STARD3: variants seen among roughly 807,000 people sequenced by gnomAD.
The protein encoded by STARD3 is StAR related lipid transfer domain containing 3, also known as stAR-related lipid transfer protein 3.
A neutral mutation model predicts 62.0 loss-of-function variants in STARD3; 39 were observed. The observed-to-expected ratio is 0.63, with a 90% CI of 0.49 to 0.82. The LOEUF (loss-of-function observed/expected upper bound fraction) is 0.82, where lower values mean the gene tolerates loss of function less well. STARD3 is among the 40% of genes least tolerant of loss of function. The pLI is 0.00. For synonymous variants in STARD3, 229 were observed against 242.4 expected (o/e 0.94, Z 0.51); for missense variants, 543 against 584.5 (o/e 0.93, Z 0.73).
chr17:39,655,508 T>C lies in STARD3; in HGVS notation c.220-1500T>C, dbSNP rs1388035521. Among the ~76,000 whole-genome samples, 11 of 152,292 alleles carry C rather than the reference T, an allele frequency of 7.2e-5. No individual in the cohort carries two copies. The East Asian group carries it at 1.9e-3, about 27-fold the overall frequency. ...CTCTGTAATTGTGCTTTTGAAGTTATTTGGCTGTGTTGGCTGCGATTGCTC... is the reference window on the plus strand; with the variant it reads ...CTCTGTAATTGTGCTTTTGAAGTTACTTGGCTGTGTTGGCTGCGATTGCTC... On this transcript the variant is annotated intron_variant, in intron 2 of 14. Coordinates refer to ENST00000336308, the MANE Select transcript of STARD3 (RefSeq NM_006804.4).
intron 13 of STARD3, 149 bp downstream of exon 13, chr17:39,661,234 A>G: frequency 1.5e-6 from 1 of 668,106 alleles, no homozygotes; most frequent in South Asian, 1.8e-5. Context: ...CCTCCTGGCT[A>G]CTAATCCTGC....
chr17:39,647,500 G>A (rs1405946201), intron 1 of STARD3, among the ~76,000 whole-genome samples: 4 of 152,076 alleles, frequency 2.6e-5, no homozygotes, highest in African/African-American at 9.7e-5. Context: ...GTGGTGGGTG[G>A]AGGCCTGCGC....
chr17:39,659,870 A>G, intron 9 of STARD3: 1 of 500,102 alleles, frequency 2.0e-6, no homozygotes, highest in Non-Finnish European at 3.6e-6. Context: ...AACATTATCT[A>G]CAAAGATCGT....
chr17:39,657,691 G>T (rs1416940522), intron 3 of STARD3, 84 bp from the exon 4 acceptor site: 1 of 1,474,532 alleles, frequency 6.8e-7, no homozygotes, highest in Non-Finnish European at 9.5e-7. Flanking sequence ...GGGAACGTGG[G>T]GGCAGGACCA....
At chr17:39,640,180 T>TA (rs1311156064) in intron 1 of STARD3, among the ~76,000 whole-genome samples, 1 of 152,096 alleles carries the variant, frequency 6.6e-6, no homozygotes, top group East Asian at 1.9e-4. Flanking sequence ...GCGGGGGAGA[T>TA]AAAAAATCCG....
In STARD3 at chr17:39,657,948, C is replaced by T. The variant is rs1324427190; in HGVS notation, c.376-25C>T. 5.0e-6 allele frequency: 8 copies of T among 1,604,054 alleles called. No individual in the cohort carries two copies. In the South Asian group the frequency reaches 9.0e-5, roughly 18 times the overall value. On this transcript the variant is annotated intron_variant, in intron 4 of 14. Coordinates refer to ENST00000336308, the MANE Select transcript of STARD3 (RefSeq NM_006804.4). ...CTCACTTCCCAGCCTCTGCCTTCCC[C>T]TTCCTCCCTCCCTCCCCTGGGCAGG...
At chr17:39,656,209 C>T (rs143488887) in intron 2 of STARD3, among the ~76,000 whole-genome samples, 1 of 152,144 alleles carries the variant, frequency 6.6e-6, no homozygotes, top group African/African-American at 2.4e-5. Context: ...CCAGTCTAGG[C>T]GGTTGTGAGG....
intron 1 of STARD3, among the ~76,000 whole-genome samples, chr17:39,640,240 C>T (rs553181177): frequency 3.3e-4 from 50 of 152,308 alleles, no homozygotes; most frequent in Non-Finnish European, 5.9e-4. Context: ...AGCCTGTTGG[C>T]TCCACTTTAC....
intron 1 of STARD3, chr17:39,652,407 A>G (rs2057086533): frequency 6.6e-6 from 1 of 152,268 alleles, no homozygotes; most frequent in Non-Finnish European, 1.5e-5. Flanking sequence ...GTCTAGTGAG[A>G]GAAGGGTAAA....
intron 1 of STARD3, among the ~76,000 whole-genome samples, chr17:39,645,979 C>T (rs2057022997): frequency 6.7e-6 from 1 of 148,324 alleles, no homozygotes; most frequent in Non-Finnish European, 1.5e-5. Context: ...GCAACCTTCG[C>T]CCCTCAGGTT....
chr17:39,663,651 CA>C lies in STARD3; in HGVS notation c.*744del. ...CCCCATTCCCCCCCCGCCCACCCCCCACTCCCCGCTTTCCTGACCAGTTCAA... is the reference window on the plus strand; with the variant it reads ...CCCCATTCCCCCCCCGCCCACCCCCCCTCCCCGCTTTCCTGACCAGTTCAA... On this transcript the variant is annotated 3_prime_UTR_variant, in exon 15 of 15. Coordinates refer to ENST00000336308, the MANE Select transcript of STARD3 (RefSeq NM_006804.4). Among the ~76,000 whole-genome samples, 1 of 149,576 alleles carries C rather than the reference CA, an allele frequency of 6.7e-6. No homozygotes were observed. The highest frequency in any genetic ancestry group is 2.0e-4 in the East Asian group (1 of 4,984).
chr17:39,645,116 G>A (rs961389493), intron 1 of STARD3, among the ~76,000 whole-genome samples: 1 of 152,194 alleles, frequency 6.6e-6, no homozygotes, highest in African/African-American at 2.4e-5. Flanking sequence ...AGGGGCAGCC[G>A]ATGCTGTTCC....
intron 3 of STARD3, 41 bp from the exon 4 acceptor site, chr17:39,657,734 C>G: frequency 1.2e-6 from 2 of 1,611,052 alleles, no homozygotes; most frequent in Non-Finnish European, 1.7e-6. Flanking sequence ...GGGTGGGGGG[C>G]AGTAGCTTCC....
At chr17:39,656,903 C>T (rs2057135530) in intron 2 of STARD3, 105 bp from the exon 3 acceptor site, 3 of 1,108,618 alleles carry the variant, frequency 2.7e-6, no homozygotes, top group Non-Finnish European at 4.0e-6. Flanking sequence ...AACAGCCTCC[C>T]CTCCAGGTTC....
At chr17:39,662,425 G>A in intron 14 of STARD3, 81 bp downstream of exon 14, 2 of 1,379,370 alleles carry the variant, frequency 1.4e-6, no homozygotes, top group Non-Finnish European at 2.0e-6. Context: ...CATGACTTTG[G>A]GGGCTCTCTG....
intron 8 of STARD3, 65 bp from the exon 9 acceptor site, chr17:39,659,396 A>G: frequency 1.3e-6 from 2 of 1,492,886 alleles, no homozygotes; most frequent in Non-Finnish European, 1.9e-6. Flanking sequence ...GAGAGAGAAC[A>G]GGCCACGAAC....
rs756230031 is a variant in STARD3, at chr17:39,663,298, G to A, written c.*390G>A. 34 of 389,430 alleles carry A rather than the reference G, an allele frequency of 8.7e-5. No homozygotes were observed. Among genetic ancestry groups the A allele is most frequent in the East Asian group, 6.9e-4 (19 of 27,510 alleles). The allele number at this position is 389,430 out of a possible 1,614,324, so 24.1% of individuals were successfully genotyped here. Reference sequence around the variant, plus strand: ...ATGAAGGGGCTCTTCATCTGCCTGCGCTCTCGTCGGTTTTTTTAGGATTAT... The same window carrying A: ...ATGAAGGGGCTCTTCATCTGCCTGCACTCTCGTCGGTTTTTTTAGGATTAT... On this transcript the variant is annotated 3_prime_UTR_variant, in exon 15 of 15. Coordinates refer to ENST00000336308, the MANE Select transcript of STARD3 (RefSeq NM_006804.4).
intron 1 of STARD3, among the ~76,000 whole-genome samples, chr17:39,643,328 TC>T (rs1567853838): frequency 6.6e-6 from 1 of 152,104 alleles, no homozygotes; most frequent in Non-Finnish European, 1.5e-5. Context: ...ACTTAGAAGG[TC>T]CCAGCCTGTC....
At chr17:39,654,997 C>G (rs571138036) in intron 2 of STARD3, among the ~76,000 whole-genome samples, 37 of 152,300 alleles carry the variant, frequency 2.4e-4, no homozygotes, top group Middle Eastern at 3.4e-3. Context: ...CCCTAGGGGC[C>G]ATCTTACCCA....
Sources: allele counts gnomAD v4.1 joint callset (sites outside exome capture counted in the v4.1 genomes callset), GRCh38; gene constraint gnomAD v4.1.1; transcripts MANE v1.5; gene names NCBI Gene and HGNC (gene_info 2026-07-23, HGNC 2026-07-21).